CGNL1: variants seen among roughly 807,000 people sequenced by gnomAD.
CGNL1 encodes cingulin like 1.
Under a neutral mutation model 141.2 loss-of-function variants are expected in CGNL1, and 132 were observed. The observed-to-expected ratio is 0.93, with a 90% CI of 0.81 to 1.08. The LOEUF is 1.08. Ranked by LOEUF, CGNL1 falls within the 50% of genes least tolerant of loss-of-function variation. The probability of loss-of-function intolerance (pLI) is 0.00; values close to 1 mark genes in which losing one functional copy is unlikely to be tolerated. For synonymous variants in CGNL1, 690 were observed against 622.1 expected (o/e 1.11, Z -1.63); for missense variants, 1,870 against 1,588.6 (o/e 1.18, Z -3.01).
intron 4 of CGNL1, among the ~76,000 whole-genome samples, chr15:57,444,686 A>G (rs1192928565): frequency 6.6e-6 from 1 of 152,154 alleles, no homozygotes; most frequent in Non-Finnish European, 1.5e-5. Flanking sequence ...GGGTGTTCTA[A>G]GTTAAGTGAC....
intron 1 of CGNL1, among the ~76,000 whole-genome samples, chr15:57,406,524 C>G (rs1385539979): frequency 6.6e-6 from 1 of 152,100 alleles, no homozygotes; most frequent in Non-Finnish European, 1.5e-5. Context: ...AGTGAAGTAG[C>G]CTAGAACTTT....
At chr15:57,464,528 A>G (rs1362582666) in intron 8 of CGNL1, among the ~76,000 whole-genome samples, 3 of 151,884 alleles carry the variant, frequency 2.0e-5, no homozygotes, top group Admixed American at 2.0e-4. Context: ...TTTAGGACAA[A>G]TTTCCTTTCT....
chr15:57,453,472 A>G (rs2063343845), intron 6 of CGNL1, among the ~76,000 whole-genome samples: 1 of 152,166 alleles, frequency 6.6e-6, no homozygotes, highest in Non-Finnish European at 1.5e-5. Context: ...TTGAGTTCTC[A>G]TTTATCCTCT....
At chr15:57,491,767 G>T (rs2063866690) in intron 8 of CGNL1, among the ~76,000 whole-genome samples, 1 of 152,174 alleles carries the variant, frequency 6.6e-6, no homozygotes, top group South Asian at 2.1e-4. Context: ...TTAGAGAACA[G>T]CATAAGTTTT....
rs201598966 is a variant in CGNL1 at position 57,546,045 on chromosome 15, G to A, written c.3610-31G>A. 771 of 1,596,354 alleles carry A rather than the reference G, an allele frequency of 4.8e-4. 1 individual carries two copies. The highest frequency in any genetic ancestry group is 1.6e-3 in the Admixed American group (96 of 59,108). ...GAGCGCTGGGGCTGGGCCATCAGCCGGCACTCAGCCCACATTCTCTCCCGG... is the reference window on the plus strand; with the variant it reads ...GAGCGCTGGGGCTGGGCCATCAGCCAGCACTCAGCCCACATTCTCTCCCGG... On this transcript the variant is annotated intron_variant, in intron 17 of 18. Transcript: ENST00000281282.
chr15:57,482,846 A>G (rs1450260900), intron 8 of CGNL1, among the ~76,000 whole-genome samples: 3 of 150,722 alleles, frequency 2.0e-5, no homozygotes, highest in Admixed American at 6.6e-5. Flanking sequence ...GTGCAATGGC[A>G]TGATCTCTGC....
chr15:57,398,213 G>A (rs1234757165), intron 1 of CGNL1: 1 of 152,202 alleles, frequency 6.6e-6, no homozygotes, highest in African/African-American at 2.4e-5. Context: ...CTACCATGAA[G>A]ATAAACACAT....
intron 8 of CGNL1, among the ~76,000 whole-genome samples, chr15:57,479,427 G>A (rs527453225): frequency 6.6e-6 from 1 of 152,298 alleles, no homozygotes; most frequent in South Asian, 2.1e-4. Flanking sequence ...ACTTTGGGAG[G>A]CCAAGGCGGG....
chr15:57,477,233 A>T (rs1170156885), intron 8 of CGNL1, among the ~76,000 whole-genome samples: 24 of 151,866 alleles, frequency 1.6e-4, no homozygotes, highest in Admixed American at 1.5e-3. Flanking sequence ...GGCATTAGAG[A>T]TAGATCTGAA....
chr15:57,410,681 C>T (rs2062776453), intron 1 of CGNL1, among the ~76,000 whole-genome samples: 1 of 152,184 alleles, frequency 6.6e-6, no homozygotes, highest in South Asian at 2.1e-4. Context: ...TCCACAATAT[C>T]GGAGGCTATA....
At chr15:57,515,642 A>G (rs2030712219) in intron 8 of CGNL1, among the ~76,000 whole-genome samples, 1 of 152,290 alleles carries the variant, frequency 6.6e-6, no homozygotes, top group East Asian at 1.9e-4. Context: ...ACCATTTCCC[A>G]TCACTTCAAA....
At chr15:57,504,741 C>T (rs1285302536) in intron 8 of CGNL1, among the ~76,000 whole-genome samples, 16 of 152,146 alleles carry the variant, frequency 1.1e-4, no homozygotes, top group Non-Finnish European at 2.1e-4. Context: ...GGACATGTCA[C>T]CTGCCACTTC....
chr15:57,524,545 C>A, intron 11 of CGNL1, 36 bp from the exon 12 acceptor site: 2 of 1,584,890 alleles, frequency 1.3e-6, no homozygotes, highest in Non-Finnish European at 8.6e-7. Context: ...CTCAGAGCAT[C>A]CCAGGGTGGG....
At chr15:57,399,500 T>C (rs2591065) in intron 1 of CGNL1, among the ~76,000 whole-genome samples, 86,352 of 151,682 alleles carry the variant, frequency 0.57, 24,872 homozygotes, top group African/African-American at 0.61. Context: ...ATCTTGTTTT[T>C]TGAAGCCAGG....
chr15:57,507,491 A>G (rs567467727), intron 8 of CGNL1, among the ~76,000 whole-genome samples: 3 of 152,338 alleles, frequency 2.0e-5, no homozygotes, highest in South Asian at 4.1e-4. Context: ...TTTTTAACCT[A>G]TGTAATCACT....
chr15:57,429,852 C>G (rs1317867515), intron 1 of CGNL1, among the ~76,000 whole-genome samples: 1 of 152,230 alleles, frequency 6.6e-6, no homozygotes, highest in Non-Finnish European at 1.5e-5. Flanking sequence ...GTCTATCACC[C>G]AGGCTGGCAT....
intron 13 of CGNL1, among the ~76,000 whole-genome samples, chr15:57,531,169 T>C (rs750564291): frequency 3.9e-5 from 6 of 152,272 alleles, no homozygotes; most frequent in Non-Finnish European, 7.3e-5. Flanking sequence ...TGGTTAGCAC[T>C]GTCTTTTGGT....
chr15:57,529,451 A>G (rs2031820371), intron 13 of CGNL1, among the ~76,000 whole-genome samples: 1 of 152,182 alleles, frequency 6.6e-6, no homozygotes, highest in Non-Finnish European at 1.5e-5. Flanking sequence ...ATGAAGTAAC[A>G]GAATCTAAGT....
At chr15:57,532,089 G>T (rs1386219154) in intron 14 of CGNL1, among the ~76,000 whole-genome samples, 2 of 152,306 alleles carry the variant, frequency 1.3e-5, no homozygotes, top group Non-Finnish European at 2.9e-5. Flanking sequence ...TCAAGAAAGA[G>T]TGAAGGGCTT....
Sources: gnomAD v4.1 joint callset for allele counts (sites outside exome capture counted in the v4.1 genomes callset) on GRCh38, gnomAD v4.1.1 for gene constraint, MANE v1.5 for transcripts, NCBI Gene and HGNC (gene_info 2026-07-23, HGNC 2026-07-21) for gene names.